CEP104: variants seen among roughly 807,000 people sequenced by gnomAD.
CEP104 encodes the protein centrosomal protein of 104 kDa.
CEP104 carries 84 observed loss-of-function variants against 113.3 expected under a neutral mutation model. The ratio of observed to expected loss-of-function variants is 0.74; its 90% CI spans 0.62 to 0.89. The LOEUF is 0.89. Ranked by LOEUF, CEP104 falls within the 40% of genes least tolerant of loss-of-function variation. The probability of loss-of-function intolerance (pLI) is 0.00; values close to 1 mark genes in which losing one functional copy is unlikely to be tolerated. For missense variants in CEP104, 1,053 were observed against 1,156.6 expected (o/e 0.91, Z 1.30); for synonymous variants, 378 against 421.7 (o/e 0.90, Z 1.27).
intron 3 of CEP104, among the ~76,000 whole-genome samples, chr1:3,848,258 C>T (rs551364720): frequency 1.5e-3 from 231 of 152,168 alleles, no homozygotes; most frequent in Non-Finnish European, 2.8e-3. Flanking sequence ...CAGGGCCGAG[C>T]GCGGTGACTC....
At chr1:3,830,283 T>C (rs574735925) in intron 13 of CEP104, among the ~76,000 whole-genome samples, 66 of 152,252 alleles carry the variant, frequency 4.3e-4, no homozygotes, top group African/African-American at 1.6e-3. Flanking sequence ...TTTCTCATCC[T>C]CCTTGGAGGT....
At chr1:3,849,780 G>C (rs959433532) in intron 2 of CEP104, among the ~76,000 whole-genome samples, 4 of 151,790 alleles carry the variant, frequency 2.6e-5, no homozygotes, top group Admixed American at 2.6e-4. Context: ...CATTCATGGC[G>C]AGATTATCTG....
At position 3,826,724 on chromosome 1, in the gene CEP104, C is replaced by T. The variant is rs766929050; in HGVS notation, c.2172G>A (p.Val724=). 3.7e-6 allele frequency: 6 copies of T among 1,614,158 alleles called. No individual in the cohort carries two copies. In the South Asian group the frequency reaches 6.6e-5, roughly 18 times the overall value. The change falls in exon 16 of 22, where the codon GTG becomes GTA. Residue 724 remains valine (V), a synonymous_variant. Transcript: ENST00000378230. ...AEVQEKESDA[V]KPKNQDIQGG... The stretch of plus-strand genomic sequence containing the variant: ...TTTACATACCCTGATTCTTTGGCTT[C>T]ACAGCATCACTTTCTTTTTCCTAAG...
At chr1:3,822,019 C>T (rs9424289) in intron 20 of CEP104, among the ~76,000 whole-genome samples, 12,376 of 152,210 alleles carry the variant, frequency 0.081, 1,243 homozygotes, top group East Asian at 0.51. Flanking sequence ...CCGAAAGCTC[C>T]GACGGGAACA....
At chr1:3,846,812 T>C (rs1644516900) in intron 4 of CEP104, among the ~76,000 whole-genome samples, 1 of 152,204 alleles carries the variant, frequency 6.6e-6, no homozygotes, top group East Asian at 1.9e-4. Context: ...TTGTAAATGC[T>C]TGTGCTAATT....
intron 12 of CEP104, 34 bp from the exon 13 acceptor site, chr1:3,831,256 T>C: frequency 1.3e-6 from 2 of 1,585,174 alleles, no homozygotes; most frequent in South Asian, 2.2e-5. Flanking sequence ...TAATTTTTAC[T>C]GGAAAATGCT....
At position 3,823,078 on chromosome 1, in the gene CEP104, G is replaced by T; in HGVS notation, c.2571+96C>A. 8.9e-7 allele frequency: 1 copy of T among 1,127,412 alleles called. No homozygotes were observed. Among genetic ancestry groups the T allele is most frequent in the Non-Finnish European group, 1.3e-6 (1 of 745,894 alleles). 69.8% of individuals were successfully genotyped at this position (1,127,412 alleles called of 1,614,324 possible). A position where few individuals can be genotyped will look rare whatever the true frequency, so the allele number is the denominator to read the frequency against. The stretch of plus-strand genomic sequence containing the variant: ...TGAACACTCATGTACTGTACTCTGT[G>T]GCTATGGTCCCGCACTGACACCACC... On this transcript the variant is annotated intron_variant, in intron 20 of 21. Transcript: ENST00000378230. The surrounding 1 kb of genome is among the most constrained non-coding windows in gnomAD (Gnocchi z 4.1).
chr1:3,839,201 G>C, intron 7 of CEP104, 82 bp from the exon 8 acceptor site: 1 of 1,256,346 alleles, frequency 8.0e-7, no homozygotes, highest in Non-Finnish European at 1.2e-6. Context: ...AGAATCACGC[G>C]TGAACCGTCT....
intron 1 of CEP104, chr1:3,855,936 G>T (rs1042294831): frequency 1.0e-6 from 1 of 985,420 alleles, no homozygotes; most frequent in Non-Finnish European, 1.2e-6. Flanking sequence ...AAATGCCAGA[G>T]TACATCTCTC....
At chr1:3,845,210 T>G (rs1283953232) in intron 5 of CEP104, 79 bp downstream of exon 5, 1 of 1,052,606 alleles carries the variant, frequency 9.5e-7, no homozygotes, top group Non-Finnish European at 1.4e-6. Flanking sequence ...AAATGACACA[T>G]TTTTTGGGTG....
chr1:3,854,401 G>A (rs938523161), intron 1 of CEP104, among the ~76,000 whole-genome samples: 1 of 152,090 alleles, frequency 6.6e-6, no homozygotes, highest in Non-Finnish European at 1.5e-5. Context: ...GAATTCTGAA[G>A]TCCAGCCAAA....
chr1:3,843,377 T>TG, intron 6 of CEP104: 20 of 87,780 alleles, frequency 2.3e-4, no homozygotes, highest in Non-Finnish European at 4.6e-4. Context: ...ATATGTATAA[T>TG]TTTTTTTTTT....
intron 12 of CEP104, 75 bp from the exon 13 acceptor site, chr1:3,831,297 TTAAAC>T: frequency 1.5e-6 from 2 of 1,334,938 alleles, no homozygotes; most frequent in African/African-American, 1.5e-5. Context: ...CAGCATGATC[TTAAAC>T]TAAACACTGA....
At position 3,823,680 on chromosome 1, in the gene CEP104, GAAGT is replaced by G; in HGVS notation, c.2365-122_2365-119del. ...AGGGAGGTCTGTGCCGCCTGCACAT[GAAGT>G]AAGCCACAGGCTTCTATCTTCGGCA... On this transcript the variant is annotated intron_variant, in intron 18 of 21. Coordinates refer to ENST00000378230, the MANE Select transcript of CEP104 (RefSeq NM_014704.4). This position sits in a 1 kb window ranked among gnomAD's most constrained non-coding sequence, Gnocchi z 4.1. The G allele has an allele frequency of 2.5e-6, 3 of 1,205,922 alleles. No homozygotes were observed. Among genetic ancestry groups the G allele is most frequent in the Admixed American group, 2.0e-5 (1 of 50,478 alleles). 74.7% of individuals were successfully genotyped at this position (1,205,922 alleles called of 1,614,324 possible).
rs1261134633 is a variant in CEP104 at position 3,823,009 on chromosome 1, G to C, written c.2571+165C>G. The C allele has an allele frequency of 1.5e-6, 1 of 659,744 alleles. No individual in the cohort carries two copies. Among genetic ancestry groups the C allele is most frequent in the African/African-American group, 1.8e-5 (1 of 55,886 alleles). 40.9% of individuals were successfully genotyped at this position (659,744 alleles called of 1,614,324 possible). ...AAATCATGTGAACACGTAGGTAAAC[G>C]GAACGACTGCTCAGACAGGGCTCAC... On this transcript the variant is annotated intron_variant, in intron 20 of 21. Transcript: ENST00000378230. The surrounding 1 kb of genome is among the most constrained non-coding windows in gnomAD (Gnocchi z 4.1).
At chr1:3,837,236 T>C (rs1644331127) in intron 9 of CEP104, 56 bp downstream of exon 9, 5 of 1,420,774 alleles carry the variant, frequency 3.5e-6, no homozygotes, top group Non-Finnish European at 4.9e-6. Flanking sequence ...GCACAACACA[T>C]GTCCTTTACA....
At chr1:3,822,251 GACAGACAGAGGGACAC>G (rs1643991538) in intron 20 of CEP104, among the ~76,000 whole-genome samples, 9 of 87,654 alleles carry the variant, frequency 1.0e-4, no homozygotes, top group African/African-American at 1.5e-4. Flanking sequence ...CAGAGGGACA[GACAGACAGAGGGACAC>G]AGAGAGCCAG....
chr1:3,815,655 G>A, intron 21 of CEP104, 138 bp from the exon 22 acceptor site: 1 of 610,610 alleles, frequency 1.6e-6, no homozygotes, highest in Non-Finnish European at 2.8e-6. Flanking sequence ...AGGAGCCAGG[G>A]CTGAGCCTAG....
In CEP104 at chr1:3,823,090, G is replaced by T; in HGVS notation, c.2571+84C>A. The T allele has an allele frequency of 7.8e-7, 1 of 1,283,786 alleles. No individual in the cohort carries two copies. Among genetic ancestry groups the T allele is most frequent in the Non-Finnish European group, 1.1e-6 (1 of 885,406 alleles). 79.5% of individuals were successfully genotyped at this position (1,283,786 alleles called of 1,614,324 possible). ...TACTGTACTCTGTGGCTATGGTCCCGCACTGACACCACCACTGTCACCACC... is the reference window on the plus strand; with the variant it reads ...TACTGTACTCTGTGGCTATGGTCCCTCACTGACACCACCACTGTCACCACC... On this transcript the variant is annotated intron_variant, in intron 20 of 21. Coordinates refer to ENST00000378230, the MANE Select transcript of CEP104 (RefSeq NM_014704.4). This position sits in a 1 kb window ranked among gnomAD's most constrained non-coding sequence, Gnocchi z 4.1.
Sources: allele counts gnomAD v4.1 joint callset (sites outside exome capture counted in the v4.1 genomes callset), GRCh38; gene constraint gnomAD v4.1.1; non-coding constraint Gnocchi (gnomAD v3.1); transcripts MANE v1.5; gene names NCBI Gene and HGNC (gene_info 2026-07-23, HGNC 2026-07-21).